The following GOLM1 variants were observed in gnomAD, a reference collection of about 807,000 sequenced individuals.
The protein encoded by GOLM1 is golgi membrane protein 1.
A neutral mutation model predicts 50.5 loss-of-function variants in GOLM1; 31 were observed. The observed-to-expected ratio is 0.61, with a 90% CI of 0.46 to 0.83. The LOEUF (loss-of-function observed/expected upper bound fraction) is 0.83. Ranked by LOEUF, GOLM1 falls within the 40% of genes least tolerant of loss-of-function variation. The probability of loss-of-function intolerance (pLI) is 0.00; values close to 1 mark genes in which losing one functional copy is unlikely to be tolerated. For missense variants in GOLM1, 491 were observed against 501.3 expected, an observed-to-expected ratio of 0.98 and a Z score of 0.20; for synonymous variants, 178 against 192.8, an observed-to-expected ratio of 0.92 and a Z score of 0.64.
At chr9:86,051,091 A>G (rs1833732570) in intron 4 of GOLM1, among the ~76,000 whole-genome samples, 1 of 151,950 alleles carries the variant, frequency 6.6e-6, no homozygotes, top group Non-Finnish European at 1.5e-5. Context: ...TTCAAATAAC[A>G]TCCTTATTTC....
rs1832819717 is a variant in GOLM1, at chr9:86,027,445, C to G, written c.*372G>C. The G allele has an allele frequency of 9.7e-7, 1 of 1,027,262 alleles. No individual in the cohort carries two copies. Among genetic ancestry groups the G allele is most frequent in the African/African-American group, 1.7e-5 (1 of 57,988 alleles). 63.6% of individuals were successfully genotyped at this position (1,027,262 alleles called of 1,614,324 possible). A position where few individuals can be genotyped will look rare whatever the true frequency, so the allele number is the denominator to read the frequency against. ...ACGGAACCCAGAGTTCTCTGTCTCT[C>G]CTTCACAGCAGATGGACTCTTCTAT... is the stretch of plus-strand genomic sequence containing the variant. On this transcript the variant is annotated 3_prime_UTR_variant, in exon 10 of 10. Transcript: ENST00000388712.
intron 1 of GOLM1, among the ~76,000 whole-genome samples, chr9:86,098,862 C>G (rs1205219564): frequency 6.6e-6 from 1 of 152,130 alleles, no homozygotes; most frequent in East Asian, 1.9e-4. Context: ...GGACCCGGAG[C>G]CCAAGCTCCG....
intron 1 of GOLM1, among the ~76,000 whole-genome samples, chr9:86,084,420 G>A (rs913013210): frequency 3.3e-5 from 5 of 152,062 alleles, no homozygotes; most frequent in Non-Finnish European, 5.9e-5. Flanking sequence ...AGGAGGGCAC[G>A]GCACCTCTAC....
chr9:86,092,315 T>C (rs1835209651), intron 1 of GOLM1, among the ~76,000 whole-genome samples: 1 of 152,238 alleles, frequency 6.6e-6, no homozygotes, highest in African/African-American at 2.4e-5. Flanking sequence ...GAAACAGTGA[T>C]GCATGTTTTC....
intron 3 of GOLM1, among the ~76,000 whole-genome samples, chr9:86,060,917 A>AAAAAAAAAAAAAAAAAAAAAAAAG (rs1563960044): frequency 7.3e-6 from 1 of 136,770 alleles, no homozygotes; most frequent in Admixed American, 7.2e-5. Context: ...AAAAAAAAGA[A>AAAAAAAAAAAAAAAAAAAAAAAAG]GAAGAAGAAG....
At chr9:86,054,530 ATTC>A (rs1183429739) in intron 3 of GOLM1, among the ~76,000 whole-genome samples, 3 of 152,216 alleles carry the variant, frequency 2.0e-5, no homozygotes, top group African/African-American at 4.8e-5. Flanking sequence ...GGCCTCATGT[ATTC>A]TTCTTGACAG....
In GOLM1 at chr9:86,027,319, G is replaced by A. The variant is rs1832816351; in HGVS notation, c.*498C>T. The A allele has an allele frequency of 3.0e-6, 3 of 985,978 alleles. No individual in the cohort carries two copies. The highest frequency in any genetic ancestry group is 1.7e-5 in the African/African-American group (1 of 57,238). 61.1% of individuals were successfully genotyped at this position (985,978 alleles called of 1,614,324 possible). A position where few individuals can be genotyped will look rare whatever the true frequency, so the allele number is the denominator to read the frequency against. The stretch of plus-strand genomic sequence containing the variant: ...GCTCTAGGCCATTGATTGATTGATT[G>A]TCAGAATCAGAAGTGACTACACAAG... On this transcript the variant is annotated 3_prime_UTR_variant, in exon 10 of 10. Coordinates refer to ENST00000388712, the MANE Select transcript of GOLM1 (RefSeq NM_016548.4).
chr9:86,076,209 A>C (rs552608268), intron 3 of GOLM1, among the ~76,000 whole-genome samples: 1 of 151,878 alleles, frequency 6.6e-6, no homozygotes, highest in Admixed American at 6.6e-5. Flanking sequence ...ACCTGAGGTC[A>C]GGAGTTCGAG....
In GOLM1 at chr9:86,033,287, A is replaced by G. The variant is rs931112547; in HGVS notation, c.1124T>C (p.Ile375Thr). The part of the protein sequence containing the change: ...QAALAGNDRN[I>T]DVFNVEDQKR... ...GATGTAGGCCCCATTCTTACCATCT[A>G]TGTTTCTGTCATTCCCTGCCAGGGC... The change falls in exon 9 of 10, where the codon ATA becomes ACA. Residue 375 changes from isoleucine (I) to threonine (T), a missense_variant. Ile to Thr is a moderately conservative substitution (Grantham distance 89). Coordinates refer to ENST00000388712, the MANE Select transcript of GOLM1 (RefSeq NM_016548.4). The G allele has an allele frequency of 1.7e-5, 26 of 1,575,068 alleles. No homozygotes were observed. Among genetic ancestry groups the G allele is most frequent in the Admixed American group, 8.3e-5 (5 of 59,962 alleles).
intron 1 of GOLM1, among the ~76,000 whole-genome samples, chr9:86,094,157 G>A (rs949132472): frequency 1.5e-4 from 16 of 105,930 alleles, no homozygotes; most frequent in African/African-American, 4.4e-4. Flanking sequence ...GGCCATATCC[G>A]GGCCTGGTTT....
chr9:86,027,882 CA>C lies in GOLM1; in HGVS notation c.1140del (p.Glu381LysfsTer8), dbSNP rs778455746. The C allele has an allele frequency of 7.5e-6, 12 of 1,597,678 alleles. No individual in the cohort carries two copies. In the African/African-American group the frequency reaches 1.6e-4, roughly 21 times the overall value. Reference protein sequence around the residue: ...GNDRNIDVFNVEDQKRDTINL... With the variant: ...GNDRNIDVFNXEDQKRDTINL... The stretch of plus-strand genomic sequence containing the variant: ...TTTATGGTGTCTCTTTTCTGATCTT[CA>C]ACATTAAAAACTAAAAAGGAAAAAC... On this transcript the variant is annotated frameshift_variant, in exon 10 of 10. Transcript: ENST00000388712. LOFTEE classifies it high-confidence loss of function.
In GOLM1 at chr9:86,027,382, G is replaced by C; in HGVS notation, c.*435C>G. On this transcript the variant is annotated 3_prime_UTR_variant, in exon 10 of 10. Coordinates refer to ENST00000388712, the MANE Select transcript of GOLM1 (RefSeq NM_016548.4). ...ACTTTTCAGTGAGAACAGGTAACAG[G>C]CTGGCACCAGCACTTGGTACAGCAC... The C allele has an allele frequency of 1.0e-6, 1 of 991,498 alleles. No individual in the cohort carries two copies. The highest frequency in any genetic ancestry group is 5.2e-4 in the Middle Eastern group (1 of 1,940). The allele number at this position is 991,498 out of a possible 1,614,324, so 61.4% of individuals were successfully genotyped here. A position where few individuals can be genotyped will look rare whatever the true frequency, so the allele number is the denominator to read the frequency against.
Position 86,026,445 on chromosome 9 carries a change from T to C in GOLM1, c.*1372A>G. 5.1e-6 allele frequency: 5 copies of C among 983,366 alleles called. No homozygotes were observed. The highest frequency in any genetic ancestry group is 6.0e-6 in the Non-Finnish European group (5 of 828,040). 60.9% of individuals were successfully genotyped at this position (983,366 alleles called of 1,614,324 possible). A position where few individuals can be genotyped will look rare whatever the true frequency, so the allele number is the denominator to read the frequency against. The stretch of plus-strand genomic sequence containing the variant: ...GCCTGCTTCAGTGACTGTGTGCCTG[T>C]AGTCCCAGCTACTCGGGAGTCTGTG... On this transcript the variant is annotated 3_prime_UTR_variant, in exon 10 of 10. Transcript: ENST00000388712.
At position 86,054,150 on chromosome 9, in the gene GOLM1, A is replaced by G. The variant is rs964075794; in HGVS notation, c.310-1559T>C. On this transcript the variant is annotated intron_variant, in intron 3 of 9. Coordinates refer to ENST00000388712, the MANE Select transcript of GOLM1 (RefSeq NM_016548.4). The stretch of plus-strand genomic sequence containing the variant: ...ACACAGAATCCAGATAACAACGACA[A>G]AGTGAAAAGTAGGAAGAATGAGTGT... Among the ~76,000 whole-genome samples the G allele has an allele frequency of 5.9e-5, 9 of 152,184 alleles. No homozygotes were observed. In the East Asian group the frequency reaches 1.7e-3, roughly 29 times the overall value.
At chr9:86,080,979 G>A (rs2118859588) in intron 1 of GOLM1, among the ~76,000 whole-genome samples, 1 of 152,150 alleles carries the variant, frequency 6.6e-6, no homozygotes, top group East Asian at 1.9e-4. Flanking sequence ...CAAACTCTTG[G>A]GCTCAAATAA....
chr9:86,055,118 G>A (rs1490291608), intron 3 of GOLM1, among the ~76,000 whole-genome samples: 1 of 152,168 alleles, frequency 6.6e-6, no homozygotes, highest in East Asian at 1.9e-4. Flanking sequence ...TGAACACAGG[G>A]ATGCATGCCC....
At chr9:86,072,204 AAGGAG>A (rs1324311308) in intron 3 of GOLM1, among the ~76,000 whole-genome samples, 1 of 152,196 alleles carries the variant, frequency 6.6e-6, no homozygotes, top group Admixed American at 6.6e-5. Flanking sequence ...GCAGGAGGGA[AAGGAG>A]AGAAGAGACG....
chr9:86,080,834 C>T (rs1273664627), intron 1 of GOLM1, among the ~76,000 whole-genome samples: 1 of 152,124 alleles, frequency 6.6e-6, no homozygotes, highest in Non-Finnish European at 1.5e-5. Flanking sequence ...ACTGAATATA[C>T]TCAAGAGACT....
At chr9:86,029,247 G>C (rs956001007) in intron 9 of GOLM1, among the ~76,000 whole-genome samples, 153 of 152,298 alleles carry the variant, frequency 1.0e-3, no homozygotes, top group Middle Eastern at 3.4e-3. Context: ...ATACTTGTTT[G>C]TAACAGTGAC....
Sources: gnomAD v4.1 joint callset for allele counts (sites outside exome capture counted in the v4.1 genomes callset) on GRCh38, gnomAD v4.1.1 for gene constraint, MANE v1.5 for transcripts, NCBI Gene and HGNC (gene_info 2026-07-23, HGNC 2026-07-21) for gene names.